The following TAFA2 variants were observed in gnomAD, a reference collection of about 807,000 sequenced individuals.
The protein encoded by TAFA2 is TAFA chemokine like family member 2.
TAFA2 carries 7 observed loss-of-function variants against 18.8 expected under a neutral mutation model. The observed-to-expected ratio is 0.37, with a 90% confidence interval of 0.21 to 0.70. TAFA2 has a LOEUF of 0.70. Ranked by LOEUF, TAFA2 falls within the 30% of genes least tolerant of loss-of-function variation. The probability of loss-of-function intolerance (pLI) is 0.53; values close to 1 mark genes in which losing one functional copy is unlikely to be tolerated. For missense variants in TAFA2, 122 were observed against 158.1 expected (o/e 0.77, Z 1.23); for synonymous variants, 60 against 54.2 (o/e 1.11, Z -0.47).
intron 1 of TAFA2, among the ~76,000 whole-genome samples, chr12:62,082,702 G>C (rs1188605533): frequency 1.3e-5 from 2 of 152,154 alleles, no homozygotes; most frequent in Non-Finnish European, 2.9e-5. Flanking sequence ...AGGATATGAA[G>C]TCAAGCAAAG....
At chr12:61,994,803 G>A (rs947866146) in intron 1 of TAFA2, among the ~76,000 whole-genome samples, 3 of 151,886 alleles carry the variant, frequency 2.0e-5, no homozygotes, top group African/African-American at 7.3e-5. Context: ...CTTTTTCTTA[G>A]CCTCTTTTCT....
intron 1 of TAFA2, among the ~76,000 whole-genome samples, chr12:62,010,739 G>T (rs1384972236): frequency 2.0e-5 from 3 of 151,114 alleles, no homozygotes; most frequent in African/African-American, 7.3e-5. Context: ...TCTGGGAGGT[G>T]AGGGGCGTCT....
chr12:61,799,851 C>T (rs1277155046), intron 2 of TAFA2, among the ~76,000 whole-genome samples: 1 of 151,918 alleles, frequency 6.6e-6, no homozygotes, highest in Non-Finnish European at 1.5e-5. Flanking sequence ...TAAAAAATAA[C>T]GGTGACAAAC....
chr12:61,879,291 C>T, intron 1 of TAFA2: 2 of 444,948 alleles, frequency 4.5e-6, no homozygotes, highest in East Asian at 4.3e-5. Flanking sequence ...TGGTTGGGGC[C>T]CACCTGCTTC....
upstream of TAFA2, chr12:62,259,669 C>A (rs1432542187): frequency 6.6e-6 from 1 of 152,198 alleles, no homozygotes; most frequent in Non-Finnish European, 1.5e-5. Context: ...CGTTTTCTTC[C>A]TTTAGTATCT....
chr12:62,144,312 A>G (rs2062263517), intron 1 of TAFA2, among the ~76,000 whole-genome samples: 1 of 152,186 alleles, frequency 6.6e-6, no homozygotes, highest in Non-Finnish European at 1.5e-5. Flanking sequence ...AAAAGCAGAA[A>G]GTGGCCTGCC....
At chr12:62,020,113 C>T (rs980466435) in intron 1 of TAFA2, among the ~76,000 whole-genome samples, 5 of 152,094 alleles carry the variant, frequency 3.3e-5, no homozygotes, top group African/African-American at 1.2e-4. Context: ...TTACCTTTAA[C>T]TGAAAATGTT....
intron 1 of TAFA2, among the ~76,000 whole-genome samples, chr12:62,246,917 CTGTTT>C (rs1254164098): frequency 6.8e-6 from 1 of 147,658 alleles, no homozygotes; most frequent in African/African-American, 2.4e-5. Context: ...CAGCTTAAGG[CTGTTT>C]TGTTTTGTTT....
intron 1 of TAFA2, among the ~76,000 whole-genome samples, chr12:61,877,069 T>C (rs1265347238): frequency 1.3e-5 from 2 of 152,206 alleles, no homozygotes; most frequent in African/African-American, 2.4e-5. Flanking sequence ...CAAAGTACCA[T>C]ACTCAGCTTT....
chr12:62,147,340 A>ATATGTG (rs1565760185), intron 1 of TAFA2, among the ~76,000 whole-genome samples: 2 of 75,528 alleles, frequency 2.6e-5, no homozygotes, highest in Non-Finnish European at 5.9e-5. Context: ...ATATATATAT[A>ATATGTG]TATATATATA....
At chr12:62,066,858 G>C (rs1882503244) in intron 1 of TAFA2, among the ~76,000 whole-genome samples, 2 of 151,930 alleles carry the variant, frequency 1.3e-5, no homozygotes. Flanking sequence ...TTATATGTTA[G>C]CTCTATTTTC....
chr12:62,158,447 TCTC>T (rs2062385727), intron 1 of TAFA2, among the ~76,000 whole-genome samples: 1 of 152,210 alleles, frequency 6.6e-6, no homozygotes, highest in Non-Finnish European at 1.5e-5. Flanking sequence ...ACCCAGGTCT[TCTC>T]CTGGTGAGTT....
At chr12:61,770,107 C>A (rs554654355) in intron 2 of TAFA2, among the ~76,000 whole-genome samples, 33 of 152,066 alleles carry the variant, frequency 2.2e-4, no homozygotes, top group African/African-American at 7.7e-4. Context: ...ACTGGAAAAT[C>A]TCAGCAATAG....
At chr12:61,834,224 T>G (rs1415702567) in intron 2 of TAFA2, among the ~76,000 whole-genome samples, 1 of 152,026 alleles carries the variant, frequency 6.6e-6, no homozygotes, top group Non-Finnish European at 1.5e-5. Context: ...GTTTTGCTCT[T>G]GGGCCCAGTT....
intron 1 of TAFA2, among the ~76,000 whole-genome samples, chr12:61,930,173 A>AAAAG (rs1395319359): frequency 4.6e-5 from 7 of 152,130 alleles, no homozygotes; most frequent in African/African-American, 1.7e-4. Context: ...TAAATAAATA[A>AAAAG]AAAGAAAACG....
intron 3 of TAFA2, among the ~76,000 whole-genome samples, chr12:61,754,158 T>C (rs1869151297): frequency 6.6e-6 from 1 of 151,954 alleles, no homozygotes; most frequent in South Asian, 2.1e-4. Context: ...TATGACCAGT[T>C]TTTAGAGTCA....
chr12:62,153,984 G>GTTATGTTC (rs2062350848), intron 1 of TAFA2, among the ~76,000 whole-genome samples: 1 of 70,248 alleles, frequency 1.4e-5, no homozygotes, highest in African/African-American at 6.3e-5. Context: ...ATGTTATGTT[G>GTTATGTTC]TTTTGTACTA....
intron 1 of TAFA2, among the ~76,000 whole-genome samples, chr12:62,153,417 C>A (rs780862998): frequency 6.6e-6 from 1 of 152,162 alleles, no homozygotes; most frequent in African/African-American, 2.4e-5. Flanking sequence ...AATCCCAGCA[C>A]TTTGGGAGAC....
chr12:61,938,178 C>T (rs2121411834), intron 1 of TAFA2, among the ~76,000 whole-genome samples: 1 of 135,724 alleles, frequency 7.4e-6, no homozygotes, highest in South Asian at 2.4e-4. Context: ...GATTTCACCA[C>T]TATACAATTC....
Sources: gnomAD v4.1 joint callset for allele counts (sites outside exome capture counted in the v4.1 genomes callset) on GRCh38, gnomAD v4.1.1 for gene constraint, MANE v1.5 for transcripts, NCBI Gene and HGNC (gene_info 2026-07-23, HGNC 2026-07-21) for gene names.